METTL22: variants seen among roughly 807,000 people sequenced by gnomAD.
METTL22 encodes the protein methyltransferase 22, Kin17 lysine, also known as methyltransferase-like protein 22.
METTL22 carries 51 observed loss-of-function variants against 48.4 expected under a neutral mutation model. The ratio of observed to expected loss-of-function variants is 1.05; its 90% CI spans 0.84 to 1.33. The LOEUF (loss-of-function observed/expected upper bound fraction) is 1.33. METTL22 is among the 40% of genes most tolerant of loss of function. The probability of loss-of-function intolerance (pLI) is 0.00; values close to 1 mark genes in which losing one functional copy is unlikely to be tolerated. For synonymous variants in METTL22, 255 were observed against 214.1 expected, an observed-to-expected ratio of 1.19 and a Z score of -1.67; for missense variants, 678 against 526.9, an observed-to-expected ratio of 1.29 and a Z score of -2.81.
downstream of METTL22, chr16:8,649,709 C>T (rs2056865164): frequency 6.6e-6 from 1 of 151,842 alleles, no homozygotes; most frequent in African/African-American, 2.4e-5. Context: ...GAGGCTGAGG[C>T]AGGAGAATCT....
the METTL22 span, among the ~76,000 whole-genome samples, chr16:8,660,792 AGGAGGAGGAGGAGGAGGAGGAGGAGGAG>A: frequency 1.2e-3 from 1 of 862 alleles, no homozygotes; most frequent in African/African-American, 2.4e-3. Flanking sequence ...GAGGAGGAGG[AGGAGGAGGAGGAGGAGGAGGAGGAGGAG>A]GAGGAGGAGG....
chr16:8,657,470 G>C, the METTL22 span, among the ~76,000 whole-genome samples: 1 of 152,176 alleles, frequency 6.6e-6, no homozygotes, highest in Non-Finnish European at 1.5e-5. Flanking sequence ...CTTTGCCTGT[G>C]GTTTCAGCCT....
intron 1 of METTL22, among the ~76,000 whole-genome samples, chr16:8,624,533 C>T (rs1480577811): frequency 6.6e-6 from 1 of 152,020 alleles, no homozygotes; most frequent in African/African-American, 2.4e-5. Context: ...GCGCGCGCCA[C>T]GACACCCGCC....
chr16:8,645,806 C>G (rs2056768558), intron 10 of METTL22: 1 of 595,926 alleles, frequency 1.7e-6, no homozygotes. Context: ...AGATCTCCCC[C>G]AAAATGGAGA....
Position 8,628,826 on chromosome 16 carries a change from C to G in METTL22, c.230C>G (p.Pro77Arg). 6.2e-7 allele frequency: 1 copy of G among 1,614,174 alleles called. No individual in the cohort carries two copies. The highest frequency in any genetic ancestry group is 8.5e-7 in the Non-Finnish European group (1 of 1,180,036). Residue 77 changes from proline (P) to arginine (R), a missense_variant, in exon 3 of 11, where the codon CCT becomes CGT. Physicochemically the swap from Pro to Arg is moderately radical, Grantham distance 103 (BLOSUM62 -2). Transcript: ENST00000381920. Reference sequence around the variant, plus strand: ...CACAGAGATGTTCACACAAAGGAGCCTCCTTCTGCTGAGACAGGCAGCACA... The same window carrying G: ...CACAGAGATGTTCACACAAAGGAGCGTCCTTCTGCTGAGACAGGCAGCACA... ...GSHRDVHTKE[P>R]PSAETGSTGS...
chr16:8,656,325 A>C, the METTL22 span, among the ~76,000 whole-genome samples: 88 of 152,318 alleles, frequency 5.8e-4, no homozygotes, highest in African/African-American at 2.0e-3. Flanking sequence ...TCCAGGGATT[A>C]GTCCTTTCCT....
intron 3 of METTL22, 126 bp downstream of exon 3, chr16:8,629,236 C>A: frequency 1.6e-6 from 2 of 1,266,554 alleles, no homozygotes; most frequent in South Asian, 1.4e-5. Context: ...AGAACCAGCT[C>A]GGGTGAGACT....
the METTL22 span, chr16:8,666,784 C>CTTTTTTTTTTTTTTTTT: frequency 8.1e-6 from 1 of 123,222 alleles, no homozygotes; most frequent in Non-Finnish European, 1.7e-5. Flanking sequence ...TTCTTTCTTT[C>CTTTTTTTTTTTTTTTTT]TTTTTTTTTT....
Position 8,635,084 on chromosome 16 carries a change from G to A in METTL22, c.555+5G>A, listed in dbSNP as rs777158591. ...CTGGAGGATGTTGGCAAGCAGGTGG[G>A]TAGGTCTTGTCCGCTTCCTGTGGCC... On this transcript the variant is annotated splice_donor_5th_base_variant and intron_variant, in intron 4 of 10. Coordinates refer to ENST00000381920, the MANE Select transcript of METTL22 (RefSeq NM_024109.4). 2.5e-6 allele frequency: 4 copies of A among 1,613,878 alleles called. No individual in the cohort carries two copies. The African/African-American group carries it at 4.0e-5, about 16-fold the overall frequency.
At position 8,646,998 on chromosome 16, in the gene METTL22, A is replaced by G. The variant is rs923005689; in HGVS notation, c.*855A>G. The G allele has an allele frequency of 6.3e-6, 2 of 318,460 alleles. No individual in the cohort carries two copies. The highest frequency in any genetic ancestry group is 4.4e-5 in the African/African-American group (2 of 45,928). 19.7% of individuals were successfully genotyped at this position (318,460 alleles called of 1,614,324 possible). A position where few individuals can be genotyped will look rare whatever the true frequency, so the allele number is the denominator to read the frequency against. On this transcript the variant is annotated 3_prime_UTR_variant, in exon 11 of 11. Coordinates refer to ENST00000381920, the MANE Select transcript of METTL22 (RefSeq NM_024109.4). Reference sequence around the variant, plus strand: ...CCAGTTTTGGTCCCATCTTCCTGCTACCCTTGGCCCTCCCTGCAGCCCCTT... The same window carrying G: ...CCAGTTTTGGTCCCATCTTCCTGCTGCCCTTGGCCCTCCCTGCAGCCCCTT...
intron 6 of METTL22, among the ~76,000 whole-genome samples, chr16:8,640,309 C>T (rs1011315375): frequency 5.9e-5 from 9 of 152,056 alleles, no homozygotes; most frequent in South Asian, 2.1e-4. Flanking sequence ...TCCTCCTGTG[C>T]GTTTGCCTCA....
At chr16:8,642,356 G>A (rs1257545323) in intron 8 of METTL22, 107 bp from the exon 9 acceptor site, 37 of 1,281,288 alleles carry the variant, frequency 2.9e-5, no homozygotes, top group Non-Finnish European at 4.1e-5. Context: ...GGAAGCTGCT[G>A]CTGTTCCGTG....
At chr16:8,661,867 C>A in the METTL22 span, among the ~76,000 whole-genome samples, 1 of 144,878 alleles carries the variant, frequency 6.9e-6, no homozygotes, top group African/African-American at 2.6e-5. Flanking sequence ...GCCACTGTGC[C>A]CAGCCTCCTG....
the METTL22 span, chr16:8,667,206 C>G: frequency 1.3e-5 from 2 of 151,968 alleles, no homozygotes; most frequent in Admixed American, 1.3e-4. Context: ...AATCTCAGTT[C>G]AGGTTTTCTT....
intron 10 of METTL22, among the ~76,000 whole-genome samples, chr16:8,645,535 G>T (rs1336895569): frequency 6.6e-6 from 1 of 152,202 alleles, no homozygotes; most frequent in Non-Finnish European, 1.5e-5. Context: ...CAGCACTCTG[G>T]GAGGCCATGG....
chr16:8,667,266 T>C, the METTL22 span: 1 of 152,142 alleles, frequency 6.6e-6, no homozygotes, highest in Non-Finnish European at 1.5e-5. Context: ...TTTATTTATT[T>C]ATTTTAAATT....
the METTL22 span, among the ~76,000 whole-genome samples, chr16:8,663,669 G>A: frequency 6.6e-6 from 1 of 152,096 alleles, no homozygotes; most frequent in Non-Finnish European, 1.5e-5. Flanking sequence ...AGCCCTGTGG[G>A]GTAAGTACTA....
rs1060541 is a variant in METTL22 at position 8,646,120 on chromosome 16, A to G, written c.1192A>G (p.Ile398Val). The stretch of plus-strand genomic sequence containing the variant: ...CTGTTTGCTGCAGGAGCTCTGGAAG[A>G]TCATCGCAGAACCAGTAACATGACC... The part of the protein sequence containing the change: ...ERLQQLELWK[I>V]IAEPVT The change falls in exon 11 of 11, where the codon ATC (isoleucine) becomes GTC (valine). Residue 398 changes from isoleucine to valine, a missense_variant. Coordinates refer to ENST00000381920, the MANE Select transcript of METTL22 (RefSeq NM_024109.4). 0.014 allele frequency: 20,579 copies of G among 1,517,776 alleles called. 228 individuals carry two copies. Among genetic ancestry groups the G allele is most frequent in the South Asian group, 0.039 (3,455 of 87,930 alleles). The allele number at this position is 1,517,776 out of a possible 1,614,324, so 94.0% of individuals were successfully genotyped here. A position where few individuals can be genotyped will look rare whatever the true frequency, so the allele number is the denominator to read the frequency against.
At chr16:8,657,009 A>G in the METTL22 span, among the ~76,000 whole-genome samples, 1 of 152,206 alleles carries the variant, frequency 6.6e-6, no homozygotes, top group Admixed American at 6.5e-5. Flanking sequence ...GGATTAATCC[A>G]CAGAGTCCTC....
Sources: gnomAD v4.1 joint callset for allele counts (sites outside exome capture counted in the v4.1 genomes callset) on GRCh38, gnomAD v4.1.1 for gene constraint, MANE v1.5 for transcripts, NCBI Gene and HGNC (gene_info 2026-07-23, HGNC 2026-07-21) for gene names.